Variants in MCM3AP observed in about 807,000 individuals in gnomAD.
MCM3AP encodes the protein germinal-center associated nuclear protein.
A neutral mutation model predicts 184.1 loss-of-function variants in MCM3AP; 126 were observed. The observed-to-expected ratio is 0.68, with a 90% CI of 0.59 to 0.79. The LOEUF is 0.79. Among genes scored for constraint, MCM3AP ranks in the 30% least tolerant of loss-of-function variants. The pLI is 0.00. For missense variants in MCM3AP, 2,496 were observed against 2,479.2 expected (o/e 1.01, Z -0.14); for synonymous variants, 1,002 against 979.3 (o/e 1.02, Z -0.43).
Position 46,266,965 on chromosome 21 carries a change from CCA to C in MCM3AP, c.2789+15_2789+16del. The stretch of plus-strand genomic sequence containing the variant: ...AAAAGGAGACAGGGGCCCCACAGTT[CCA>C]TTCTCAGCTCTTACCCGTCGGAAAC... On this transcript the variant is annotated intron_variant, in intron 10 of 27. Coordinates refer to ENST00000291688, the MANE Select transcript of MCM3AP (RefSeq NM_003906.5). The C allele has an allele frequency of 1.2e-6, 2 of 1,613,768 alleles. No individual in the cohort carries two copies. Among genetic ancestry groups the C allele is most frequent in the Non-Finnish European group, 1.7e-6 (2 of 1,179,918 alleles).
At chr21:46,282,917 T>A (rs1243721916) in intron 2 of MCM3AP, among the ~76,000 whole-genome samples, 1 of 151,920 alleles carries the variant, frequency 6.6e-6, no homozygotes, top group Non-Finnish European at 1.5e-5. Context: ...CAAGGGGAAT[T>A]TCACTTTTTT....
Position 46,277,632 on chromosome 21 carries a change from G to GGCCCTCGGA in MCM3AP, c.1744_1752dup (p.Ser582_Gly584dup). 4 of 1,612,150 alleles carry GGCCCTCGGA rather than the reference G, an allele frequency of 2.5e-6. No homozygotes were observed. Among genetic ancestry groups the GGCCCTCGGA allele is most frequent in the Non-Finnish European group, 3.4e-6 (4 of 1,179,090 alleles). Reference sequence around the variant, plus strand: ...CTGAGGGAGAGCACACATGGCCCGAGGCCCTCGGAGCCCTCGGAGGCTGAG... The same window carrying GGCCCTCGGA: ...CTGAGGGAGAGCACACATGGCCCGAGGCCCTCGGAGCCCTCGGAGCCCTCGGAGGCTGAG... On this transcript the variant is annotated inframe_insertion, in exon 5 of 28. Transcript: ENST00000291688.
At chr21:46,268,589 G>C (rs895706243) in intron 9 of MCM3AP, among the ~76,000 whole-genome samples, 1 of 152,244 alleles carries the variant, frequency 6.6e-6, no homozygotes, top group East Asian at 1.9e-4. Flanking sequence ...TGGAGACAGC[G>C]CCGTGCGGCT....
intron 13 of MCM3AP, among the ~76,000 whole-genome samples, chr21:46,263,020 T>C (rs2081061277): frequency 8.1e-6 from 1 of 122,806 alleles, no homozygotes. Context: ...ATATCCCTCA[T>C]GAATATGGAT....
At chr21:46,265,792 G>A (rs1425227032) in intron 11 of MCM3AP, 133 bp downstream of exon 11, 1 of 1,152,552 alleles carries the variant, frequency 8.7e-7, no homozygotes, top group African/African-American at 1.5e-5. Context: ...ACACCCCTGG[G>A]CCCCAAGACA....
At chr21:46,280,407 A>G (rs1251204712) in intron 3 of MCM3AP, 90 bp downstream of exon 3, 2 of 1,020,330 alleles carry the variant, frequency 2.0e-6, no homozygotes, top group African/African-American at 3.3e-5. Context: ...TAATCCCAAG[A>G]TCAGACTGGG....
chr21:46,253,543 G>C (rs1288720748), intron 19 of MCM3AP: 1 of 152,228 alleles, frequency 6.6e-6, no homozygotes, highest in Non-Finnish European at 1.5e-5. Context: ...GCTCTCACGA[G>C]ATCTGGTTAA....
chr21:46,246,630 T>C lies in MCM3AP; in HGVS notation c.4547A>G (p.Asp1516Gly), dbSNP rs757971993. 6.2e-7 allele frequency: 1 copy of C among 1,608,886 alleles called. No homozygotes were observed. The highest frequency in any genetic ancestry group is 1.1e-5 in the South Asian group (1 of 91,042). Residue 1516 changes from aspartate to glycine, a missense_variant and splice_region_variant, in exon 21 of 28, where the codon GAT becomes GGT. Coordinates refer to ENST00000291688, the MANE Select transcript of MCM3AP (RefSeq NM_003906.5). The part of the protein sequence containing the change: ...GGDAVEKEVE[D>G]GLMLQDLVSA... ...TAAACGAGACTTCCTTCACAAACCA[T>C]CTTCTACTTCCTTCTCAACGGCGTC...
intron 25 of MCM3AP, chr21:46,242,570 C>G: frequency 3.1e-6 from 1 of 326,906 alleles, no homozygotes. Context: ...GTCAGCTGTA[C>G]TCTCCTGGTT....
At position 46,245,334 on chromosome 21, in the gene MCM3AP, G is replaced by A. The variant is rs567844282; in HGVS notation, c.4648-137C>T. 3.2e-3 allele frequency: 2,397 copies of A among 743,606 alleles called. 57 individuals carry two copies. The South Asian group carries it at 0.043, about 13-fold the overall frequency. 46.1% of individuals were successfully genotyped at this position (743,606 alleles called of 1,614,324 possible). Reference sequence around the variant, plus strand: ...GGGCTCTCAACTGTGGTAGGAAGGGGAACAGAAGTGTCCTATGCAGTTGAG... The same window carrying A: ...GGGCTCTCAACTGTGGTAGGAAGGGAAACAGAAGTGTCCTATGCAGTTGAG... On this transcript the variant is annotated intron_variant, in intron 22 of 27. Transcript: ENST00000291688.
At chr21:46,264,583 G>C (rs1161497043) in intron 12 of MCM3AP, among the ~76,000 whole-genome samples, 3 of 152,182 alleles carry the variant, frequency 2.0e-5, no homozygotes, top group African/African-American at 7.2e-5. Context: ...CACAACCATG[G>C]AGTCGACAGG....
At chr21:46,268,068 G>A (rs17182788) in intron 9 of MCM3AP, 25,577 of 151,934 alleles carry the variant, frequency 0.17, 2,497 homozygotes, top group Non-Finnish European at 0.23. Flanking sequence ...GTGGTGGCAC[G>A]CACCTGTAAT....
Position 46,236,953 on chromosome 21 carries a change from A to C in MCM3AP, c.5660T>G (p.Leu1887Trp). The change falls in exon 27 of 28, where the codon TTG becomes TGG. Residue 1887 changes from leucine (L) to tryptophan (W), a missense_variant. Around this residue, in one of 5 missense-constraint regions of MCM3AP, gnomAD observed 1,323 missense variants for 1,273.4 expected, o/e 1.04. Transcript: ENST00000291688. ...KRFEDQLQQW[L>W]SEDSGAFTDL... ...CGTAAATGCTCCTGAGTCTTCAGAC[A>C]ACCATTGCTGAAGCTGATCTTCAAA... 1 of 1,554,098 alleles carries C rather than the reference A, an allele frequency of 6.4e-7. No homozygotes were observed. The highest frequency in any genetic ancestry group is 2.2e-5 in the Admixed American group (1 of 45,516).
intron 17 of MCM3AP, among the ~76,000 whole-genome samples, chr21:46,256,119 C>A (rs1196376422): frequency 6.6e-6 from 1 of 152,196 alleles, no homozygotes; most frequent in Non-Finnish European, 1.5e-5. Context: ...TCCCCAGTCC[C>A]CACCCACTGG....
intron 16 of MCM3AP, 77 bp downstream of exon 16, chr21:46,258,862 T>C (rs2145656696): frequency 1.3e-6 from 2 of 1,484,530 alleles, no homozygotes; most frequent in South Asian, 1.1e-5. Flanking sequence ...CAGAAACTAA[T>C]AGCTCATATA....
intron 15 of MCM3AP, among the ~76,000 whole-genome samples, chr21:46,259,861 C>T (rs551117020): frequency 6.7e-6 from 1 of 149,004 alleles, no homozygotes; most frequent in African/African-American, 2.5e-5. Flanking sequence ...GCCGAGATGG[C>T]ACCACTGCAC....
Position 46,265,452 on chromosome 21 carries a change from C to G in MCM3AP, c.3103G>C (p.Ala1035Pro). 6.2e-7 allele frequency: 1 copy of G among 1,613,896 alleles called. No individual in the cohort carries two copies. The highest frequency in any genetic ancestry group is 8.5e-7 in the Non-Finnish European group (1 of 1,179,852). ...PLSSLPQSLP[A>P]PAPSPVPLPP... Reference sequence around the variant, plus strand: ...AGAGGCACTGGTGAGGGCGCAGGGGCTGGTAGAGACTGTGGGAGACTGGAC... The same window carrying G: ...AGAGGCACTGGTGAGGGCGCAGGGGGTGGTAGAGACTGTGGGAGACTGGAC... The change falls in exon 12 of 28, where the codon GCC (alanine) becomes CCC (proline). Residue 1035 changes from alanine (A) to proline (P), a missense_variant. By Grantham distance (27) the Ala-to-Pro change is conservative. Coordinates refer to ENST00000291688, the MANE Select transcript of MCM3AP (RefSeq NM_003906.5).
At chr21:46,254,711 C>T in intron 18 of MCM3AP, 65 bp downstream of exon 18, 2 of 1,496,362 alleles carry the variant, frequency 1.3e-6, no homozygotes, top group Non-Finnish European at 9.3e-7. Flanking sequence ...AAGGGGGCTG[C>T]CAGTGTGACA....
upstream of MCM3AP, chr21:46,286,250 A>C (rs879325499): frequency 1.3e-5 from 2 of 152,346 alleles, no homozygotes; most frequent in African/African-American, 4.8e-5. Context: ...AGCGCTGCGC[A>C]CCGCGGGCAG....
Sources: allele counts gnomAD v4.1 joint callset (sites outside exome capture counted in the v4.1 genomes callset), GRCh38; gene constraint gnomAD v4.1.1; regional missense constraint gnomAD v4.1.1; transcripts MANE v1.5; gene names NCBI Gene and HGNC (gene_info 2026-07-23, HGNC 2026-07-21).